Variants in DAB1 observed in about 807,000 individuals in gnomAD.
DAB1 encodes the protein disabled homolog 1.
In DAB1, 15 loss-of-function variants were observed where a neutral mutation model predicts 64.6. That is an observed-to-expected ratio of 0.23 (90% CI 0.16 to 0.36). The LOEUF (loss-of-function observed/expected upper bound fraction) is 0.36. Ranked by LOEUF, DAB1 falls within the 10% of genes least tolerant of loss-of-function variation. The pLI is 1.00. For synonymous variants in DAB1, 235 were observed against 251.9 expected (o/e 0.93, Z 0.64); for missense variants, 596 against 706.7 (o/e 0.84, Z 1.78).
At chr1:57,883,011 G>T (rs1483208734) in intron 1 of DAB1, among the ~76,000 whole-genome samples, 1 of 152,168 alleles carries the variant, frequency 6.6e-6, no homozygotes, top group Non-Finnish European at 1.5e-5. Flanking sequence ...ATTAAGGAAG[G>T]ATGTACACTA....
At chr1:57,150,618 T>C (rs1011102657) in intron 2 of DAB1, among the ~76,000 whole-genome samples, 30 of 152,256 alleles carry the variant, frequency 2.0e-4, no homozygotes, top group Admixed American at 2.0e-3. Context: ...TGTTAAGCAA[T>C]GTGTTTTCCT....
intron 4 of DAB1, among the ~76,000 whole-genome samples, chr1:58,177,509 T>G (rs1267249587): frequency 6.6e-6 from 1 of 152,186 alleles, no homozygotes; most frequent in African/African-American, 2.4e-5. Context: ...GAATCACAAT[T>G]AACTCAGCAT....
At chr1:57,398,165 G>C (rs905594342) in intron 1 of DAB1, among the ~76,000 whole-genome samples, 3 of 152,198 alleles carry the variant, frequency 2.0e-5, no homozygotes, top group African/African-American at 4.8e-5. Flanking sequence ...TGCACCCTTT[G>C]AGCAAGGCCC....
intron 7 of DAB1, among the ~76,000 whole-genome samples, chr1:57,524,316 T>C (rs1376757972): frequency 2.0e-5 from 3 of 152,056 alleles, no homozygotes; most frequent in Admixed American, 6.6e-5. Context: ...AGGCTTACAA[T>C]GAAGCATATT....
Position 57,145,349 on chromosome 1 carries a change from C to G in DAB1, c.148G>C (p.Asp50His). Residue 50 changes from aspartate to histidine, a missense_variant, in exon 3 of 15, where the codon GAT becomes CAT. By Grantham distance (81) the Asp-to-His change is moderately conservative. Transcript: ENST00000371236. ...VRYKAKLIGI[D>H]EVSAARGDKL... ...TCTCCCCGAGCTGCGGAAACTTCAT[C>G]AATCCCGATCAATTTGGCTTTGTAC... 6.2e-7 allele frequency: 1 copy of G among 1,614,128 alleles called. No individual in the cohort carries two copies. Among genetic ancestry groups the G allele is most frequent in the Non-Finnish European group, 8.5e-7 (1 of 1,179,982 alleles).
chr1:58,363,492 C>T (rs148934455), intron 3 of DAB1, among the ~76,000 whole-genome samples: 3 of 152,328 alleles, frequency 2.0e-5, no homozygotes, highest in African/African-American at 7.2e-5. Context: ...ACAACTGCAT[C>T]TGGCCAATTC....
intron 1 of DAB1, among the ~76,000 whole-genome samples, chr1:57,295,338 T>G (rs911808011): frequency 2.0e-5 from 3 of 152,192 alleles, no homozygotes; most frequent in African/African-American, 7.2e-5. Flanking sequence ...AAAAGACAGA[T>G]GAAAATGTAG....
chr1:57,124,916 C>G (rs978063932), intron 4 of DAB1, among the ~76,000 whole-genome samples: 1 of 152,136 alleles, frequency 6.6e-6, no homozygotes, highest in Non-Finnish European at 1.5e-5. Context: ...CCTCAGTGCT[C>G]AGAATGCCTG....
At chr1:57,343,061 A>G (rs1488234416) in intron 1 of DAB1, among the ~76,000 whole-genome samples, 1 of 151,394 alleles carries the variant, frequency 6.6e-6, no homozygotes, top group Non-Finnish European at 1.5e-5. Flanking sequence ...CATCCTGCTG[A>G]TTGGTAGAGT....
intron 1 of DAB1, among the ~76,000 whole-genome samples, chr1:57,869,596 A>C (rs1654449405): frequency 6.6e-6 from 1 of 152,122 alleles, no homozygotes; most frequent in Non-Finnish European, 1.5e-5. Context: ...AGGTAATAGA[A>C]GTCAAAGTCA....
At chr1:57,618,141 G>A (rs1031218402) in intron 7 of DAB1, among the ~76,000 whole-genome samples, 1 of 152,138 alleles carries the variant, frequency 6.6e-6, no homozygotes, top group Non-Finnish European at 1.5e-5. Context: ...AAGACTGGGC[G>A]CGGTGGCTCA....
chr1:57,295,274 T>C (rs1302193233), intron 1 of DAB1, among the ~76,000 whole-genome samples: 1 of 152,226 alleles, frequency 6.6e-6, no homozygotes, highest in Non-Finnish European at 1.5e-5. Context: ...ATGAGCCTTG[T>C]GTGATAACAC....
In DAB1 at chr1:57,596,702, TTA is replaced by T. The variant is rs1383498317; in HGVS notation, n.625+52888_625+52889del. Among the ~76,000 whole-genome samples, 7 of 152,324 alleles carry T rather than the reference TTA, an allele frequency of 4.6e-5. No individual in the cohort carries two copies. The East Asian group carries it at 1.4e-3, about 29-fold the overall frequency. On this transcript the variant is annotated intron_variant and non_coding_transcript_variant, in intron 7 of 20. Coordinates refer to the DAB1 transcript ENST00000485760. ...ATGAAGAAAGGATACAACAATATTA[TTA>T]TGTTTCAGCCATATTCCATCCCCTT... is the stretch of plus-strand genomic sequence containing the variant.
At chr1:57,115,531 G>T (rs1656034423) in intron 4 of DAB1, among the ~76,000 whole-genome samples, 1 of 152,198 alleles carries the variant, frequency 6.6e-6, no homozygotes, top group Admixed American at 6.5e-5. Context: ...AATGAGCCCA[G>T]TGTCACTGAG....
chr1:57,395,692 T>C (rs1446945349), intron 1 of DAB1, among the ~76,000 whole-genome samples: 1 of 152,114 alleles, frequency 6.6e-6, no homozygotes, highest in Non-Finnish European at 1.5e-5. Context: ...GGAGCTGGAC[T>C]TTTTAATTAA....
At chr1:57,600,235 C>A (rs1471735804) in intron 7 of DAB1, among the ~76,000 whole-genome samples, 2 of 152,164 alleles carry the variant, frequency 1.3e-5, no homozygotes, top group Admixed American at 1.3e-4. Flanking sequence ...GTCTTGTTCA[C>A]CATCATCTCG....
At chr1:57,182,966 C>T (rs550172463) in intron 2 of DAB1, among the ~76,000 whole-genome samples, 72 of 152,242 alleles carry the variant, frequency 4.7e-4, no homozygotes, top group Non-Finnish European at 8.2e-4. Context: ...CTCATTTTAA[C>T]TGCTCAATAG....
chr1:58,460,920 G>A (rs1430657082), intron 3 of DAB1, among the ~76,000 whole-genome samples: 1 of 152,214 alleles, frequency 6.6e-6, no homozygotes, highest in Non-Finnish European at 1.5e-5. Context: ...AGCCACCCAT[G>A]ACACTCTCAC....
intron 7 of DAB1, among the ~76,000 whole-genome samples, chr1:57,563,477 GA>G (rs1340242658): frequency 1.3e-5 from 2 of 152,098 alleles, no homozygotes; most frequent in African/African-American, 2.4e-5. Context: ...AGCATGAGCC[GA>G]AGCAGGGTGA....
Sources: allele counts gnomAD v4.1 joint callset (sites outside exome capture counted in the v4.1 genomes callset), GRCh38; gene constraint gnomAD v4.1.1; transcripts MANE v1.5; gene names NCBI Gene and HGNC (gene_info 2026-07-23, HGNC 2026-07-21).